Variants in STT3A observed in about 807,000 individuals in gnomAD.
STT3A encodes dolichyl-diphosphooligosaccharide--protein glycosyltransferase subunit STT3A.
Under a neutral mutation model 89.2 loss-of-function variants are expected in STT3A, and 34 were observed. The observed-to-expected ratio is 0.38, with a 90% CI of 0.29 to 0.51. STT3A has a LOEUF of 0.51. Among genes scored for constraint, STT3A ranks in the 20% least tolerant of loss-of-function variants. The pLI, the probability that STT3A is intolerant of heterozygous loss-of-function variation, is 0.89. For synonymous variants in STT3A, 282 were observed against 310.3 expected, an observed-to-expected ratio of 0.91 and a Z score of 0.96; for missense variants, 555 against 889.5, an observed-to-expected ratio of 0.62 and a Z score of 4.78.
In STT3A at chr11:125,614,143, C is replaced by T; in HGVS notation, c.1611C>T (p.Asn537=). 1.2e-6 allele frequency: 2 copies of T among 1,614,074 alleles called. No homozygotes were observed. The highest frequency in any genetic ancestry group is 1.7e-6 in the Non-Finnish European group (2 of 1,180,024). The change falls in exon 14 of 18, where the codon AAC becomes AAT. Residue 537 remains asparagine (N), a synonymous_variant. Coordinates refer to ENST00000392708, the MANE Select transcript of STT3A (RefSeq NM_152713.5). The surrounding 1 kb of genome is among the most constrained non-coding windows in gnomAD (Gnocchi z 4.9). ...DYGYQITAMA[N]RTILVDNNTW... ...GCTATCAGATTACAGCTATGGCAAACCGAACAATTTTAGTGGACAATAACA... is the reference window on the plus strand; with the variant it reads ...GCTATCAGATTACAGCTATGGCAAATCGAACAATTTTAGTGGACAATAACA...
chr11:125,617,093 G>A (rs1940200844), intron 15 of STT3A, among the ~76,000 whole-genome samples: 1 of 152,022 alleles, frequency 6.6e-6, no homozygotes, highest in Non-Finnish European at 1.5e-5. Context: ...TGTTCTGGGG[G>A]TTTATTTTTG....
At chr11:125,595,180 C>G (rs11220143) in intron 1 of STT3A, among the ~76,000 whole-genome samples, 5 of 103,674 alleles carry the variant, frequency 4.8e-5, no homozygotes, top group Non-Finnish European at 1.0e-4. Flanking sequence ...TTTTTTTTTT[C>G]CTTTTTAAAG....
At position 125,613,446 on chromosome 11, in the gene STT3A, AGAAGAAAAAAGTT is replaced by A. The variant is rs1370864839; in HGVS notation, c.1554+270_1554+282del. ...TGAGGTAGAACATCCCAGTTATAAA[AGAAGAAAAAAGTT>A]ATAGATAAATAATACATGTTCACTT... On this transcript the variant is annotated intron_variant, in intron 13 of 17. Coordinates refer to ENST00000392708, the MANE Select transcript of STT3A (RefSeq NM_152713.5). This position sits in a 1 kb window ranked among gnomAD's most constrained non-coding sequence, Gnocchi z 4.2. Among the ~76,000 whole-genome samples, 1 of 152,256 alleles carries A rather than the reference AGAAGAAAAAAGTT, an allele frequency of 6.6e-6. No individual in the cohort carries two copies. The highest frequency in any genetic ancestry group is 1.5e-5 in the Non-Finnish European group (1 of 68,042).
chr11:125,612,895 C>T, intron 12 of STT3A, 94 bp from the exon 13 acceptor site: 2 of 1,521,842 alleles, frequency 1.3e-6, no homozygotes, highest in Non-Finnish European at 1.8e-6. Flanking sequence ...TTATTTTGAT[C>T]AATCTCATCT....
chr11:125,620,870 A>AT lies in STT3A; in HGVS notation c.*81dup, dbSNP rs569634802. The AT allele has an allele frequency of 0.19, 164,880 of 886,802 alleles. 9,576 individuals are homozygous for AT. The highest frequency in any genetic ancestry group is 0.4 in the African/African-American group (20,848 of 52,052). 54.9% of individuals were successfully genotyped at this position (886,802 alleles called of 1,614,324 possible). A position where few individuals can be genotyped will look rare whatever the true frequency, so the allele number is the denominator to read the frequency against. On this transcript the variant is annotated 3_prime_UTR_variant, in exon 18 of 18. Coordinates refer to ENST00000392708, the MANE Select transcript of STT3A (RefSeq NM_152713.5). Reference sequence around the variant, plus strand: ...GCACATCACATTTAGGACGTTGAAGATTTTTTTTTTTTTTTTTTTTTAATA... The same window carrying AT: ...GCACATCACATTTAGGACGTTGAAGATTTTTTTTTTTTTTTTTTTTTTAATA...
Position 125,614,062 on chromosome 11 carries a change from T to C in STT3A, c.1555-25T>C. ...TTTAGAGACAGTGAGAAGCTTGTTA[T>C]TTCCATTTCCCATTCTACTTTCAGG... On this transcript the variant is annotated intron_variant, in intron 13 of 17. Coordinates refer to ENST00000392708, the MANE Select transcript of STT3A (RefSeq NM_152713.5). The surrounding 1 kb of genome is among the most constrained non-coding windows in gnomAD (Gnocchi z 4.9). 4 of 1,603,624 alleles carry C rather than the reference T, an allele frequency of 2.5e-6. No homozygotes were observed. The highest frequency in any genetic ancestry group is 3.4e-6 in the Non-Finnish European group (4 of 1,170,782).
chr11:125,608,297 A>G lies in STT3A; in HGVS notation c.961+8A>G. The G allele has an allele frequency of 1.3e-6, 2 of 1,582,650 alleles. No homozygotes were observed. Among genetic ancestry groups the G allele is most frequent in the Non-Finnish European group, 1.7e-6 (2 of 1,170,000 alleles). ...CTCTCCTCATGCTGACAGGTAGGGA[A>G]GGCTCACAGCTTTTTTCCTTTTTTC... On this transcript the variant is annotated splice_region_variant and intron_variant, in intron 9 of 17. Coordinates refer to ENST00000392708, the MANE Select transcript of STT3A (RefSeq NM_152713.5).
At position 125,613,825 on chromosome 11, in the gene STT3A, A is replaced by G; in HGVS notation, c.1555-262A>G. On this transcript the variant is annotated intron_variant, in intron 13 of 17. Coordinates refer to ENST00000392708, the MANE Select transcript of STT3A (RefSeq NM_152713.5). The surrounding 1 kb of genome is among the most constrained non-coding windows in gnomAD (Gnocchi z 4.2). ...CATTGCACAGTCTCCCACACCTCCCACCCCATTATGTTAGTATAAAGTGAC... is the reference window on the plus strand; with the variant it reads ...CATTGCACAGTCTCCCACACCTCCCGCCCCATTATGTTAGTATAAAGTGAC... 4 of 401,086 alleles carry G rather than the reference A, an allele frequency of 1.0e-5. No individual in the cohort carries two copies. In the South Asian group the frequency reaches 1.1e-4, roughly 11 times the overall value. 24.8% of individuals were successfully genotyped at this position (401,086 alleles called of 1,614,324 possible). A position where few individuals can be genotyped will look rare whatever the true frequency, so the allele number is the denominator to read the frequency against.
intron 11 of STT3A, among the ~76,000 whole-genome samples, chr11:125,611,893 T>TC (rs1241569242): frequency 7.1e-6 from 1 of 140,634 alleles, no homozygotes; most frequent in Non-Finnish European, 1.5e-5. Context: ...TTTTTTTTTT[T>TC]TGAGACAGAG....
intron 3 of STT3A, among the ~76,000 whole-genome samples, chr11:125,600,291 C>T (rs904364678): frequency 3.3e-5 from 5 of 152,120 alleles, no homozygotes; most frequent in Non-Finnish European, 7.4e-5. Context: ...CTCAGGTGAT[C>T]CACCTGCGTC....
In STT3A at chr11:125,608,208, C is replaced by A; in HGVS notation, c.880C>A (p.Gln294Lys). 2 of 1,614,228 alleles carry A rather than the reference C, an allele frequency of 1.2e-6. No individual in the cohort carries two copies. Among genetic ancestry groups the A allele is most frequent in the Non-Finnish European group, 1.7e-6 (2 of 1,180,036 alleles). Residue 294 changes from glutamine (Q) to lysine (K), a missense_variant, in exon 9 of 18, where the codon CAA (glutamine) becomes AAA (lysine). This residue lies in a region of STT3A where 149 missense variants were observed against 206.2 expected (regional missense o/e 0.72). Coordinates refer to ENST00000392708, the MANE Select transcript of STT3A (RefSeq NM_152713.5). The stretch of plus-strand genomic sequence containing the variant: ...CCTGCGCAGCAAGTTGAATCCACAA[C>A]AATTTGAAGTTCTTTTCCGGAGCGT... ...DYLRSKLNPQ[Q>K]FEVLFRSVIS...
rs755573799 is a variant in STT3A, at chr11:125,596,074, G to A, written c.88+71G>A. The A allele has an allele frequency of 3.6e-4, 425 of 1,197,062 alleles. 1 individual carries two copies. The highest frequency in any genetic ancestry group is 4.9e-4 in the Non-Finnish European group (405 of 823,390). The allele number at this position is 1,197,062 out of a possible 1,614,324, so 74.2% of individuals were successfully genotyped here. On this transcript the variant is annotated intron_variant, in intron 2 of 17. Transcript: ENST00000392708. ...AAAGTCTAGAAAAAAATTGAAAATC[G>A]CTATCTTAAAATGCCTTGTTCTTTT...
At chr11:125,604,059 T>A in intron 5 of STT3A, 98 bp from the exon 6 acceptor site, 1 of 1,279,132 alleles carries the variant, frequency 7.8e-7, no homozygotes, top group Non-Finnish European at 1.1e-6. Flanking sequence ...GTTGGACTGT[T>A]TTCTGGGCTC....
At chr11:125,595,167 T>C (rs117458455) in intron 1 of STT3A, among the ~76,000 whole-genome samples, 3,196 of 149,824 alleles carry the variant, frequency 0.021, 58 homozygotes, top group Middle Eastern at 0.048. Context: ...ACTTCTTCTT[T>C]TTTTTTTTTT....
chr11:125,601,102 A>G (rs1939661006), intron 3 of STT3A, among the ~76,000 whole-genome samples: 1 of 152,162 alleles, frequency 6.6e-6, no homozygotes, highest in Non-Finnish European at 1.5e-5. Context: ...CTATATTTTT[A>G]TGCTTCTATA....
chr11:125,611,257 G>A (rs1453138203), intron 10 of STT3A, 171 bp from the exon 11 acceptor site: 6 of 556,050 alleles, frequency 1.1e-5, no homozygotes, highest in East Asian at 6.1e-5. Context: ...AAAGTGTGCT[G>A]TAGTAAACAT....
At chr11:125,595,353 C>T (rs1939458244) in intron 1 of STT3A, among the ~76,000 whole-genome samples, 1 of 151,900 alleles carries the variant, frequency 6.6e-6, no homozygotes, top group South Asian at 2.1e-4. Flanking sequence ...TGGGGTTTTG[C>T]TGTATTGCTC....
intron 7 of STT3A, 145 bp from the exon 8 acceptor site, chr11:125,606,156 T>C (rs1406342982): frequency 2.7e-6 from 2 of 744,316 alleles, no homozygotes; most frequent in Admixed American, 3.1e-5. Context: ...AATCAGTTAT[T>C]TGAACTCTTT....
rs191104291 is a variant in STT3A at position 125,596,435 on chromosome 11, A to G, written c.88+432A>G. Among the ~76,000 whole-genome samples the G allele has an allele frequency of 6.1e-3, 930 of 152,322 alleles. 5 individuals are homozygous for G. Among genetic ancestry groups the G allele is most frequent in the African/African-American group, 0.021 (888 of 41,566 alleles). On this transcript the variant is annotated intron_variant, in intron 2 of 17. Coordinates refer to ENST00000392708, the MANE Select transcript of STT3A (RefSeq NM_152713.5). ...AGCCGAGATTGCACCACTGCACTCT[A>G]GCCTGGGCAACAGAGCAAGACTCTG...
Sources: allele counts gnomAD v4.1 joint callset (sites outside exome capture counted in the v4.1 genomes callset), GRCh38; gene constraint gnomAD v4.1.1; regional missense constraint gnomAD v4.1.1; non-coding constraint Gnocchi (gnomAD v3.1); transcripts MANE v1.5; gene names NCBI Gene and HGNC (gene_info 2026-07-23, HGNC 2026-07-21).